Variants in GLDC observed in about 807,000 individuals in gnomAD.
The protein encoded by GLDC is glycine dehydrogenase (decarboxylating), mitochondrial.
In GLDC, 104 loss-of-function variants were observed where a neutral mutation model predicts 121.3. The observed-to-expected ratio is 0.86, with a 90% CI of 0.73 to 1.01. The LOEUF is 1.01. Ranked by LOEUF, GLDC falls within the 50% of genes least tolerant of loss-of-function variation. The probability of loss-of-function intolerance (pLI) is 0.00; values close to 1 mark genes in which losing one functional copy is unlikely to be tolerated. For missense variants in GLDC, 1,429 were observed against 1,306.6 expected (o/e 1.09, Z -1.44); for synonymous variants, 546 against 480.6 (o/e 1.14, Z -1.78).
At chr9:6,563,000 C>T (rs1352975932) in intron 16 of GLDC, among the ~76,000 whole-genome samples, 1 of 152,230 alleles carries the variant, frequency 6.6e-6, no homozygotes, top group African/African-American at 2.4e-5. Flanking sequence ...GCCCCTCTCC[C>T]TCCTGCAGAG....
At chr9:6,604,939 G>T (rs1416747600) in intron 6 of GLDC, 155 bp from the exon 7 acceptor site, 2 of 872,408 alleles carry the variant, frequency 2.3e-6, no homozygotes, top group Non-Finnish European at 3.8e-6. Context: ...AATACATACT[G>T]AGTGCCCACC....
rs745446518 is a variant in GLDC, at chr9:6,593,034, GC to G, written c.1262-45del. 4 of 1,603,782 alleles carry G rather than the reference GC, an allele frequency of 2.5e-6. No individual in the cohort carries two copies. In the South Asian group the frequency reaches 4.4e-5, roughly 18 times the overall value. The stretch of plus-strand genomic sequence containing the variant: ...CCCCCAAACTCTCATATAGAAACCT[GC>G]TCCTCAGCCATTGACATGTCACAGA... On this transcript the variant is annotated intron_variant, in intron 9 of 24. Coordinates refer to ENST00000321612, the MANE Select transcript of GLDC (RefSeq NM_000170.3).
intron 2 of GLDC, among the ~76,000 whole-genome samples, chr9:6,625,016 T>C (rs990408821): frequency 6.7e-6 from 1 of 149,952 alleles, no homozygotes; most frequent in African/African-American, 2.4e-5. Context: ...TCAGGTGAAC[T>C]CCAGCACTTT....
chr9:6,539,428 G>A (rs1817206242), intron 22 of GLDC, among the ~76,000 whole-genome samples: 1 of 152,104 alleles, frequency 6.6e-6, no homozygotes, highest in Non-Finnish European at 1.5e-5. Flanking sequence ...GCAGTGAGCT[G>A]AGATCACATC....
At chr9:6,567,057 G>A (rs1275047813) in intron 15 of GLDC, 1 of 151,960 alleles carries the variant, frequency 6.6e-6, no homozygotes, top group Non-Finnish European at 1.5e-5. Flanking sequence ...GGAGAGTTGT[G>A]GGAGCAAATG....
chr9:6,638,749 G>T (rs1423455838), intron 2 of GLDC, among the ~76,000 whole-genome samples: 1 of 152,010 alleles, frequency 6.6e-6, no homozygotes, highest in Non-Finnish European at 1.5e-5. Context: ...GGTGGCTCCC[G>T]CCTATAATCC....
intron 21 of GLDC, among the ~76,000 whole-genome samples, chr9:6,547,268 G>A (rs117893221): frequency 0.012 from 1,783 of 152,286 alleles, 16 homozygotes; most frequent in Non-Finnish European, 0.018. Flanking sequence ...ATTTTAAGCT[G>A]TGAAATCAGA....
chr9:6,607,114 T>G (rs1818751270), intron 4 of GLDC, among the ~76,000 whole-genome samples: 2 of 152,108 alleles, frequency 1.3e-5, no homozygotes, highest in South Asian at 4.1e-4. Context: ...CTAATGGCAT[T>G]TACTGATTAG....
chr9:6,610,072 C>T (rs1818820190), intron 4 of GLDC, 120 bp downstream of exon 4: 2 of 795,234 alleles, frequency 2.5e-6, no homozygotes, highest in Non-Finnish European at 4.1e-6. Flanking sequence ...TTCAGTTTCT[C>T]TGAAAAGTCA....
intron 3 of GLDC, among the ~76,000 whole-genome samples, chr9:6,613,001 G>A (rs1035456609): frequency 6.6e-5 from 10 of 152,030 alleles, no homozygotes; most frequent in African/African-American, 9.7e-5. Context: ...AAACGTTCTC[G>A]TTTTTATAAG....
At chr9:6,546,823 G>T (rs372710625) in intron 21 of GLDC, among the ~76,000 whole-genome samples, 30 of 151,868 alleles carry the variant, frequency 2.0e-4, no homozygotes, top group African/African-American at 6.0e-4. Context: ...TCAGCCAAGC[G>T]TGGTGATGAA....
intron 14 of GLDC, 38 bp from the exon 15 acceptor site, chr9:6,587,321 TA>T (rs1818291474): frequency 6.9e-7 from 1 of 1,440,760 alleles, no homozygotes; most frequent in African/African-American, 1.4e-5. Context: ...ATATACATAT[TA>T]TAATAGCAAT....
chr9:6,606,866 A>G (rs1166321174), intron 4 of GLDC, among the ~76,000 whole-genome samples, 197 bp from the exon 5 acceptor site: 2 of 151,966 alleles, frequency 1.3e-5, no homozygotes, highest in Non-Finnish European at 2.9e-5. Context: ...TGAGGTCAGG[A>G]GTTCGAGACC....
At chr9:6,603,726 C>CG (rs1563856108) in intron 7 of GLDC, among the ~76,000 whole-genome samples, 11 of 130,100 alleles carry the variant, frequency 8.5e-5, no homozygotes, top group African/African-American at 3.0e-4. Context: ...CCTTTTTTTT[C>CG]CTTTTTTTTC....
At chr9:6,593,093 T>C in intron 9 of GLDC, 103 bp from the exon 10 acceptor site, 1 of 1,286,146 alleles carries the variant, frequency 7.8e-7, no homozygotes, top group South Asian at 1.2e-5. Context: ...TAGACTCTTG[T>C]TGGTCCTGGG....
chr9:6,582,256 C>T (rs538787978), intron 15 of GLDC, among the ~76,000 whole-genome samples: 8 of 149,970 alleles, frequency 5.3e-5, no homozygotes, highest in South Asian at 2.1e-4. Context: ...TGGTGTCTCA[C>T]GCCTGTAACC....
At chr9:6,533,685 C>G (rs984683642) in intron 24 of GLDC, among the ~76,000 whole-genome samples, 9 of 151,658 alleles carry the variant, frequency 5.9e-5, no homozygotes, top group Admixed American at 3.3e-4. Context: ...ATGGAGAAAC[C>G]CCATCTCTAC....
intron 22 of GLDC, among the ~76,000 whole-genome samples, chr9:6,539,816 A>T (rs972980773): frequency 2.0e-5 from 3 of 152,200 alleles, no homozygotes; most frequent in Admixed American, 2.0e-4. Context: ...AATCTTAAAC[A>T]CTTTTCTTGG....
At chr9:6,605,431 T>G in intron 5 of GLDC, 153 bp from the exon 6 acceptor site, 1 of 721,180 alleles carries the variant, frequency 1.4e-6, no homozygotes, top group South Asian at 1.5e-5. Context: ...GGCACTTCAG[T>G]GGTAACTACA....
Sources: allele counts gnomAD v4.1 joint callset (sites outside exome capture counted in the v4.1 genomes callset), GRCh38; gene constraint gnomAD v4.1.1; transcripts MANE v1.5; gene names NCBI Gene and HGNC (gene_info 2026-07-23, HGNC 2026-07-21).